The following LDLRAD4 variants were observed in gnomAD, a reference collection of about 807,000 sequenced individuals.
LDLRAD4 encodes low density lipoprotein receptor class A domain containing 4.
In LDLRAD4, 5 loss-of-function variants were observed where a neutral mutation model predicts 17.0. The observed-to-expected ratio is 0.29, with a 90% CI of 0.15 to 0.62. LDLRAD4 has a LOEUF of 0.62. Among genes scored for constraint, LDLRAD4 ranks in the 20% least tolerant of loss-of-function variants. The pLI, the probability that LDLRAD4 is intolerant of heterozygous loss-of-function variation, is 0.84. For missense variants in LDLRAD4, 340 were observed against 424.7 expected (o/e 0.80, Z 1.75); for synonymous variants, 168 against 171.8 (o/e 0.98, Z 0.17).
chr18:13,573,531 G>T (rs1388576160), intron 3 of LDLRAD4, among the ~76,000 whole-genome samples: 4 of 152,200 alleles, frequency 2.6e-5, no homozygotes, highest in African/African-American at 9.6e-5. Flanking sequence ...TGAGCCACTG[G>T]CTGCTCTCCT....
chr18:13,337,105 G>A (rs184266007), intron 1 of LDLRAD4, among the ~76,000 whole-genome samples: 72 of 152,270 alleles, frequency 4.7e-4, no homozygotes, highest in Non-Finnish European at 7.6e-4. Flanking sequence ...CATCTCTGAT[G>A]CACTAGAGAG....
chr18:13,423,075 A>T (rs1456864468), intron 2 of LDLRAD4, among the ~76,000 whole-genome samples: 1 of 152,268 alleles, frequency 6.6e-6, no homozygotes, highest in Non-Finnish European at 1.5e-5. Context: ...ACTGGTGTCC[A>T]GAAGCCTTTA....
chr18:13,287,957 T>C (rs1458248925), intron 1 of LDLRAD4, among the ~76,000 whole-genome samples: 3 of 152,234 alleles, frequency 2.0e-5, no homozygotes, highest in African/African-American at 7.2e-5. Flanking sequence ...TTTGGGTGTT[T>C]AGGTATTTTT....
At chr18:13,441,716 T>A (rs1177939625) in intron 3 of LDLRAD4, among the ~76,000 whole-genome samples, 1 of 152,238 alleles carries the variant, frequency 6.6e-6, no homozygotes, top group Non-Finnish European at 1.5e-5. Flanking sequence ...GTTACTGTTA[T>A]TTGTAAAGCC....
At chr18:13,583,094 T>C (rs1417824721) in intron 3 of LDLRAD4, among the ~76,000 whole-genome samples, 3 of 152,170 alleles carry the variant, frequency 2.0e-5, no homozygotes, top group African/African-American at 7.2e-5. Flanking sequence ...TTTTGATTAT[T>C]TCACCCGCAC....
chr18:13,283,751 C>G (rs1207557351), intron 1 of LDLRAD4, among the ~76,000 whole-genome samples: 1 of 152,178 alleles, frequency 6.6e-6, no homozygotes, highest in African/African-American at 2.4e-5. Flanking sequence ...CAGCAGTGCT[C>G]CACTCTACTG....
At chr18:13,232,179 C>T (rs2042112030) in intron 1 of LDLRAD4, among the ~76,000 whole-genome samples, 1 of 152,232 alleles carries the variant, frequency 6.6e-6, no homozygotes, top group African/African-American at 2.4e-5. Context: ...CAGGGGCCTG[C>T]TCTCATCTCC....
At chr18:13,337,740 T>TAAAAAAAAAAAAAAAAAAAAAA (rs5823248) in intron 1 of LDLRAD4, among the ~76,000 whole-genome samples, 25 of 135,680 alleles carry the variant, frequency 1.8e-4, no homozygotes, top group African/African-American at 6.3e-4. Context: ...TTACAAAAAG[T>TAAAAAAAAAAAAAAAAAAAAAA]AAAAAAAAAA....
intron 1 of LDLRAD4, among the ~76,000 whole-genome samples, chr18:13,329,771 C>A (rs1568014305): frequency 6.6e-6 from 1 of 152,174 alleles, no homozygotes; most frequent in Non-Finnish European, 1.5e-5. Flanking sequence ...CTGTCTTTTA[C>A]TCACTGATTT....
Position 13,645,422 on chromosome 18 carries a change from G to A in LDLRAD4, c.686G>A (p.Cys229Tyr). The stretch of plus-strand genomic sequence containing the variant: ...ATTGCTATGTATAGCGGGGGTCCAT[G>A]CCCACCCAGCAGCAACTCGGGCATC... The change falls in exon 6 of 6, where the codon TGC becomes TAC. Residue 229 changes from cysteine to tyrosine, a missense_variant. By Grantham distance (194) the Cys-to-Tyr change is radical. Coordinates refer to ENST00000359446, the Ensembl canonical transcript of LDLRAD4. This position sits in a 1 kb window ranked among gnomAD's most constrained non-coding sequence, Gnocchi z 5.7. 6.2e-7 allele frequency: 1 copy of A among 1,614,158 alleles called. No individual in the cohort carries two copies. Among genetic ancestry groups the A allele is most frequent in the Non-Finnish European group, 8.5e-7 (1 of 1,180,034 alleles).
chr18:13,340,471 A>G (rs1275225537), intron 1 of LDLRAD4, among the ~76,000 whole-genome samples: 1 of 151,778 alleles, frequency 6.6e-6, no homozygotes, highest in Non-Finnish European at 1.5e-5. Context: ...TTTGATTTGC[A>G]TTTCCCTAGT....
chr18:13,285,140 G>T (rs185282824), intron 1 of LDLRAD4, among the ~76,000 whole-genome samples: 2 of 152,222 alleles, frequency 1.3e-5, no homozygotes, highest in African/African-American at 4.8e-5. Context: ...GTACAGAAGC[G>T]AAATGTGAAG....
At position 13,645,866 on chromosome 18, in the gene LDLRAD4, A is replaced by G; in HGVS notation, c.*209A>G. The G allele has an allele frequency of 2.4e-6, 1 of 413,046 alleles. No homozygotes were observed. The highest frequency in any genetic ancestry group is 4.2e-6 in the Non-Finnish European group (1 of 237,972). 25.6% of individuals were successfully genotyped at this position (413,046 alleles called of 1,614,324 possible). A position where few individuals can be genotyped will look rare whatever the true frequency, so the allele number is the denominator to read the frequency against. On this transcript the variant is annotated 3_prime_UTR_variant, in exon 6 of 6. Coordinates refer to ENST00000359446, the Ensembl canonical transcript of LDLRAD4. This position sits in a 1 kb window ranked among gnomAD's most constrained non-coding sequence, Gnocchi z 5.7. ...CAAACTTCCATCTGGTCTGACCGCA[A>G]ACAGTGTTTATTTGGGGACAGGGGT...
intron 3 of LDLRAD4, among the ~76,000 whole-genome samples, chr18:13,517,808 A>C (rs2093891258): frequency 6.6e-6 from 1 of 151,806 alleles, no homozygotes; most frequent in Non-Finnish European, 1.5e-5. Flanking sequence ...GTGCGATCTC[A>C]GCTCACTGCA....
intron 2 of LDLRAD4, chr18:13,420,050 A>G (rs11878138): frequency 0.81 from 122,786 of 152,190 alleles, 53,483 homozygotes; most frequent in Non-Finnish European, 0.97. Flanking sequence ...AGTGACACCT[A>G]CAATACTGAG....
intron 3 of LDLRAD4, among the ~76,000 whole-genome samples, chr18:13,513,805 G>A (rs928795321): frequency 6.6e-6 from 1 of 152,234 alleles, no homozygotes. Context: ...CACTTAGCCT[G>A]TCTTTTTAAG....
chr18:13,318,317 G>A (rs868524215), intron 1 of LDLRAD4, among the ~76,000 whole-genome samples: 9 of 151,794 alleles, frequency 5.9e-5, no homozygotes, highest in African/African-American at 2.2e-4. Flanking sequence ...GCTGGAGTGC[G>A]GTGGCATGAT....
At chr18:13,453,995 C>T (rs1009859607) in intron 3 of LDLRAD4, among the ~76,000 whole-genome samples, 1 of 152,258 alleles carries the variant, frequency 6.6e-6, no homozygotes, top group African/African-American at 2.4e-5. Context: ...GCGCTGCCGC[C>T]GACTGCGGGG....
At chr18:13,448,951 A>T (rs1331482963) in intron 3 of LDLRAD4, among the ~76,000 whole-genome samples, 1 of 152,194 alleles carries the variant, frequency 6.6e-6, no homozygotes, top group African/African-American at 2.4e-5. Context: ...CAGCTTTAAC[A>T]TGGGAAAGAA....
Sources: allele counts gnomAD v4.1 joint callset (sites outside exome capture counted in the v4.1 genomes callset), GRCh38; gene constraint gnomAD v4.1.1; non-coding constraint Gnocchi (gnomAD v3.1); transcripts MANE v1.5; gene names NCBI Gene and HGNC (gene_info 2026-07-23, HGNC 2026-07-21).